PHF14: variants seen among roughly 807,000 people sequenced by gnomAD.
The protein encoded by PHF14 is PHD finger protein 14.
Under a neutral mutation model 117.9 loss-of-function variants are expected in PHF14, and 55 were observed. The observed-to-expected ratio is 0.47, with a 90% CI of 0.38 to 0.58. The LOEUF is 0.58. PHF14 is among the 20% of genes least tolerant of loss of function. The probability of loss-of-function intolerance (pLI) is 0.00; values close to 1 mark genes in which losing one functional copy is unlikely to be tolerated. For synonymous variants in PHF14, 409 were observed against 368.6 expected, an observed-to-expected ratio of 1.11 and a Z score of -1.26; for missense variants, 978 against 1,122.2, an observed-to-expected ratio of 0.87 and a Z score of 1.84.
At chr7:10,984,986 A>G (rs1448641587) in intron 3 of PHF14, among the ~76,000 whole-genome samples, 1 of 152,132 alleles carries the variant, frequency 6.6e-6, no homozygotes. Flanking sequence ...TTTCTCCAGA[A>G]TAATTCTCCT....
At chr7:11,086,205 T>C (rs957219551) in intron 16 of PHF14, among the ~76,000 whole-genome samples, 1 of 152,136 alleles carries the variant, frequency 6.6e-6, no homozygotes, top group East Asian at 1.9e-4. Context: ...TTGTTACTAT[T>C]GTACTCAAAT....
intron 16 of PHF14, among the ~76,000 whole-genome samples, chr7:11,091,859 T>G (rs548535159): frequency 7.2e-5 from 11 of 152,208 alleles, no homozygotes; most frequent in Admixed American, 2.0e-4. Context: ...TCAATTCTAA[T>G]TTTCCGACCT....
chr7:11,102,747 T>C, intron 16 of PHF14: 1 of 1,381,704 alleles, frequency 7.2e-7, no homozygotes, highest in East Asian at 2.6e-5. Context: ...GAATTTTTTT[T>C]CCTATTTTTC....
At chr7:11,116,306 C>T (rs1787600544) in intron 17 of PHF14, among the ~76,000 whole-genome samples, 1 of 151,890 alleles carries the variant, frequency 6.6e-6, no homozygotes, top group South Asian at 2.1e-4. Context: ...AGCCCAGGTT[C>T]CTTTTAGTGG....
At chr7:11,131,435 C>A (rs1032088630) in intron 17 of PHF14, among the ~76,000 whole-genome samples, 3 of 151,802 alleles carry the variant, frequency 2.0e-5, no homozygotes, top group Non-Finnish European at 4.4e-5. Context: ...TGCTTATTTG[C>A]CATATATATA....
At chr7:11,121,508 C>G (rs1304310403) in intron 17 of PHF14, among the ~76,000 whole-genome samples, 1 of 152,118 alleles carries the variant, frequency 6.6e-6, no homozygotes, top group Non-Finnish European at 1.5e-5. Context: ...CTAGAAGATG[C>G]CTTAAACCAG....
At chr7:11,120,874 C>T (rs1022472708) in intron 17 of PHF14, among the ~76,000 whole-genome samples, 6 of 152,036 alleles carry the variant, frequency 3.9e-5, no homozygotes, top group African/African-American at 1.4e-4. Context: ...CTAACTCATA[C>T]GGAAACTTGT....
intron 14 of PHF14, among the ~76,000 whole-genome samples, chr7:11,054,301 A>C (rs1167465150): frequency 6.6e-6 from 1 of 152,154 alleles, no homozygotes; most frequent in African/African-American, 2.4e-5. Flanking sequence ...TAGGGGTTTG[A>C]CTAAGCAGAT....
chr7:11,009,819 C>T (rs577053180), intron 4 of PHF14, among the ~76,000 whole-genome samples: 5 of 152,304 alleles, frequency 3.3e-5, no homozygotes, highest in Non-Finnish European at 7.4e-5. Context: ...GTTCTTTGAG[C>T]TTGCACAACA....
intron 14 of PHF14, chr7:11,061,586 A>G: frequency 2.8e-6 from 1 of 363,192 alleles, no homozygotes; most frequent in Non-Finnish European, 5.0e-6. Flanking sequence ...TATAAAGTAT[A>G]TTTAATTTGT....
chr7:11,059,632 G>C (rs1436369282), intron 14 of PHF14, among the ~76,000 whole-genome samples: 3 of 151,992 alleles, frequency 2.0e-5, no homozygotes, highest in Non-Finnish European at 2.9e-5. Context: ...AGATTAGCCA[G>C]GTGTGGTGGT....
At chr7:11,036,888 A>C in intron 9 of PHF14, 97 bp from the exon 10 acceptor site, 1 of 975,536 alleles carries the variant, frequency 1.0e-6, no homozygotes, top group Non-Finnish European at 1.5e-6. Flanking sequence ...GTTTTAAACT[A>C]TGTAGGTTTA....
intron 3 of PHF14, among the ~76,000 whole-genome samples, chr7:10,987,111 G>C (rs1157151975): frequency 3.3e-5 from 5 of 151,762 alleles, no homozygotes; most frequent in Admixed American, 3.3e-4. Context: ...TTCTATTTGG[G>C]ACTTCTAACT....
intron 17 of PHF14, among the ~76,000 whole-genome samples, chr7:11,151,241 T>C (rs1682447983): frequency 6.6e-6 from 1 of 152,182 alleles, no homozygotes; most frequent in African/African-American, 2.4e-5. Context: ...CTGTGTATTT[T>C]CTCATTTTTA....
chr7:11,130,055 C>A lies in PHF14; in HGVS notation c.2772+18588C>A, dbSNP rs1355954806. Among the ~76,000 whole-genome samples the A allele has an allele frequency of 1.3e-5, 2 of 152,006 alleles. No individual in the cohort carries two copies. The highest frequency in any genetic ancestry group is 6.6e-5 in the Admixed American group (1 of 15,228). ...GATTAATATAAGTTGATTTCTCATTCATGTAACGTATCAGTACAGGTTGAC... is the reference window on the plus strand; with the variant it reads ...GATTAATATAAGTTGATTTCTCATTAATGTAACGTATCAGTACAGGTTGAC... On this transcript the variant is annotated intron_variant, in intron 17 of 17. Coordinates refer to ENST00000634607, the MANE Select transcript of PHF14 (RefSeq NM_001007157.2). This position sits in a 1 kb window ranked among gnomAD's most constrained non-coding sequence, Gnocchi z 4.2.
chr7:11,077,374 G>A (rs1050082955), intron 16 of PHF14, among the ~76,000 whole-genome samples: 4 of 151,624 alleles, frequency 2.6e-5, no homozygotes, highest in Non-Finnish European at 5.9e-5. Flanking sequence ...AGGCTGAGGT[G>A]GGCAGATCAC....
chr7:10,983,166 C>CA lies in PHF14; in HGVS notation c.900+9dup. The CA allele has an allele frequency of 6.3e-7, 1 of 1,579,790 alleles. No individual in the cohort carries two copies. Among genetic ancestry groups the CA allele is most frequent in the Non-Finnish European group, 8.6e-7 (1 of 1,169,546 alleles). ...TCAAAGCAAGAGTAATGAGGTAGAT[C>CA]AACCCAATTTTTATATCTGTCTGTC... On this transcript the variant is annotated splice_region_variant and intron_variant, in intron 3 of 17. Coordinates refer to ENST00000634607, the MANE Select transcript of PHF14 (RefSeq NM_001007157.2).
chr7:11,071,365 A>G (rs1001976112), intron 16 of PHF14: 7 of 464,164 alleles, frequency 1.5e-5, no homozygotes, highest in African/African-American at 1.0e-4. Context: ...TATGTAGACT[A>G]TGATTATTTT....
rs186398112 is a variant in PHF14 at position 11,056,257 on chromosome 7, G to A, written c.2481+4477G>A. ...AATCCATCACTTTTATTTATTCCCAGGAGTATGAAATAAAGATAAGAATAG... is the reference window on the plus strand; with the variant it reads ...AATCCATCACTTTTATTTATTCCCAAGAGTATGAAATAAAGATAAGAATAG... On this transcript the variant is annotated intron_variant, in intron 14 of 17. Transcript: ENST00000634607. Among the ~76,000 whole-genome samples, 121 of 152,126 alleles carry A rather than the reference G, an allele frequency of 8.0e-4. 1 individual carries two copies. Among genetic ancestry groups the A allele is most frequent in the Middle Eastern group, 3.4e-3 (1 of 294 alleles).
Sources: allele counts gnomAD v4.1 joint callset (sites outside exome capture counted in the v4.1 genomes callset), GRCh38; gene constraint gnomAD v4.1.1; non-coding constraint Gnocchi (gnomAD v3.1); transcripts MANE v1.5; gene names NCBI Gene and HGNC (gene_info 2026-07-23, HGNC 2026-07-21).